Variants in DENND6A observed in about 807,000 individuals in gnomAD.
DENND6A encodes protein DENND6A.
A neutral mutation model predicts 95.5 loss-of-function variants in DENND6A; 43 were observed. That is an observed-to-expected ratio of 0.45 (90% confidence interval 0.35 to 0.58). The LOEUF is 0.58. Ranked by LOEUF, DENND6A falls within the 20% of genes least tolerant of loss-of-function variation. The probability of loss-of-function intolerance (pLI) is 0.00; values close to 1 mark genes in which losing one functional copy is unlikely to be tolerated. For missense variants in DENND6A, 574 were observed against 736.0 expected (o/e 0.78, Z 2.55); for synonymous variants, 257 against 260.4 (o/e 0.99, Z 0.13).
intron 12 of DENND6A, among the ~76,000 whole-genome samples, chr3:57,638,673 C>A (rs866704579): frequency 2.3e-4 from 35 of 151,610 alleles, no homozygotes; most frequent in East Asian, 3.9e-4. Flanking sequence ...AAATAAATAA[C>A]TAAATAAATA....
At chr3:57,644,081 C>T (rs1046918957) in intron 11 of DENND6A, among the ~76,000 whole-genome samples, 3 of 146,812 alleles carry the variant, frequency 2.0e-5, no homozygotes, top group Admixed American at 7.0e-5. Flanking sequence ...ACCCGGGAGG[C>T]GGAGGTTGCA....
chr3:57,684,183 C>T lies in DENND6A; in HGVS notation c.237+8599G>A, dbSNP rs533693386. The stretch of plus-strand genomic sequence containing the variant: ...AAAAAAAAAAAAAGAGTTTATGGGC[C>T]AGGCACGGTGGCCCATGCCTGTAAT... On this transcript the variant is annotated intron_variant, in intron 1 of 19. Coordinates refer to ENST00000311128, the MANE Select transcript of DENND6A (RefSeq NM_152678.3). 1.0e-4 allele frequency among the ~76,000 whole-genome samples: 15 copies of T among 144,068 alleles called. No homozygotes were observed. In the East Asian group the frequency reaches 2.9e-3, roughly 28 times the overall value. The allele number at this position is 144,068 out of a possible 152,430, so 94.5% of individuals were successfully genotyped here. A position where few individuals can be genotyped will look rare whatever the true frequency, so the allele number is the denominator to read the frequency against.
chr3:57,674,901 T>C (rs548358757), intron 1 of DENND6A, among the ~76,000 whole-genome samples: 2 of 152,262 alleles, frequency 1.3e-5, no homozygotes, highest in Admixed American at 6.5e-5. Flanking sequence ...TATTGTCTCT[T>C]ATAAGTGGGA....
intron 3 of DENND6A, among the ~76,000 whole-genome samples, chr3:57,670,618 G>C (rs1055751682): frequency 8.5e-5 from 13 of 152,180 alleles, no homozygotes; most frequent in African/African-American, 2.9e-4. Context: ...AGGCATATAG[G>C]GGGAGGGTAA....
chr3:57,642,467 T>A (rs1360492956), intron 11 of DENND6A, among the ~76,000 whole-genome samples: 1 of 150,332 alleles, frequency 6.7e-6, no homozygotes, highest in Non-Finnish European at 1.5e-5. Flanking sequence ...GAGGGAAGAG[T>A]GATGCAGAAC....
intron 9 of DENND6A, among the ~76,000 whole-genome samples, chr3:57,652,650 ATTAAC>A (rs1295400931): frequency 2.6e-5 from 4 of 152,240 alleles, no homozygotes; most frequent in Non-Finnish European, 5.9e-5. Flanking sequence ...AGAAAAAACA[ATTAAC>A]TTATCAGTGG....
chr3:57,664,206 T>G (rs1186597029), intron 4 of DENND6A, among the ~76,000 whole-genome samples: 1 of 152,154 alleles, frequency 6.6e-6, no homozygotes, highest in African/African-American at 2.4e-5. Context: ...TAAAACAAAA[T>G]GAGGTATCCT....
At chr3:57,659,298 A>T in intron 7 of DENND6A, 118 bp from the exon 8 acceptor site, 4 of 1,012,598 alleles carry the variant, frequency 4.0e-6, no homozygotes, top group Non-Finnish European at 6.1e-6. Context: ...AAACAAAATT[A>T]TCTATGTCAG....
In DENND6A at chr3:57,649,585, T is replaced by C. The variant is rs144167173; in HGVS notation, c.819-3147A>G. Among the ~76,000 whole-genome samples the C allele has an allele frequency of 2.8e-3, 424 of 150,470 alleles. 2 individuals are homozygous for C. Among genetic ancestry groups the C allele is most frequent in the African/African-American group, 9.8e-3 (401 of 40,968 alleles). On this transcript the variant is annotated intron_variant, in intron 9 of 19. Transcript: ENST00000311128. ...ATGTTTATAGCAGCACAATGCACAA[T>C]TGCAAAAATATGGAACAAGCCCAAA...
rs754553350 is a variant in DENND6A at position 57,634,634 on chromosome 3, G to A, written c.1199-12C>T. 24 of 1,486,892 alleles carry A rather than the reference G, an allele frequency of 1.6e-5. 1 individual carries two copies. In the African/African-American group the frequency reaches 2.7e-4, roughly 17 times the overall value. 92.1% of individuals were successfully genotyped at this position (1,486,892 alleles called of 1,614,324 possible). On this transcript the variant is annotated splice_polypyrimidine_tract_variant and intron_variant, in intron 13 of 19. Transcript: ENST00000311128. The stretch of plus-strand genomic sequence containing the variant: ...TGAAGTATAAACTCCTAAGAGCAAA[G>A]AAAAGAAGGTAAACAAAAAAACCCA...
chr3:57,646,277 CA>C (rs140841663), intron 10 of DENND6A, 38 bp downstream of exon 10: 2,190 of 1,332,760 alleles, frequency 1.6e-3, no homozygotes, highest in Admixed American at 4.8e-3. Context: ...CTGCAGCATC[CA>C]AAAAAAAAAC....
At chr3:57,690,983 A>G (rs982433764) in intron 1 of DENND6A, among the ~76,000 whole-genome samples, 39 of 152,226 alleles carry the variant, frequency 2.6e-4, no homozygotes, top group Admixed American at 2.0e-3. Context: ...AAAAAACTCT[A>G]TACAGTGGCA....
chr3:57,628,995 A>G (rs2070597378), intron 18 of DENND6A, 110 bp from the exon 19 acceptor site: 1 of 883,274 alleles, frequency 1.1e-6, no homozygotes, highest in South Asian at 1.8e-5. Flanking sequence ...AAAGGAGAAC[A>G]AAGTATTTAA....
chr3:57,689,239 C>T (rs772397275), intron 1 of DENND6A, among the ~76,000 whole-genome samples: 3 of 151,804 alleles, frequency 2.0e-5, no homozygotes, highest in Non-Finnish European at 2.9e-5. Context: ...AGGCATGAGC[C>T]GCCATGCCCG....
At chr3:57,663,830 A>C in intron 4 of DENND6A, 114 bp from the exon 5 acceptor site, 1 of 515,518 alleles carries the variant, frequency 1.9e-6, no homozygotes, top group Non-Finnish European at 3.3e-6. Context: ...ATAAACCCAA[A>C]TCAAGACATG....
chr3:57,654,450 G>A (rs550824096), intron 9 of DENND6A, among the ~76,000 whole-genome samples: 3 of 152,220 alleles, frequency 2.0e-5, no homozygotes, highest in East Asian at 1.9e-4. Flanking sequence ...CAGCCAATGC[G>A]GTAGAAAGCC....
chr3:57,662,524 A>T (rs996060554), intron 5 of DENND6A, among the ~76,000 whole-genome samples: 1 of 152,066 alleles, frequency 6.6e-6, no homozygotes, highest in Non-Finnish European at 1.5e-5. Context: ...AAGAAACAAA[A>T]AGAATTGTAC....
intron 1 of DENND6A, among the ~76,000 whole-genome samples, chr3:57,680,988 G>A (rs1276554171): frequency 1.3e-5 from 2 of 152,134 alleles, no homozygotes; most frequent in African/African-American, 4.8e-5. Flanking sequence ...AGTTTCTCAA[G>A]AAGTTACAAC....
At position 57,628,151 on chromosome 3, in the gene DENND6A, G is replaced by A; in HGVS notation, c.*63C>T. ...ACTGAGAGATCTCCTTTGTGCGTCT[G>A]GTTGAAATGTCAGTATGCTTCATGA... On this transcript the variant is annotated 3_prime_UTR_variant, in exon 20 of 20. Coordinates refer to ENST00000311128, the MANE Select transcript of DENND6A (RefSeq NM_152678.3). 6.4e-7 allele frequency: 1 copy of A among 1,566,480 alleles called. No homozygotes were observed. The highest frequency in any genetic ancestry group is 8.7e-7 in the Non-Finnish European group (1 of 1,155,618).
Sources: allele counts gnomAD v4.1 joint callset (sites outside exome capture counted in the v4.1 genomes callset), GRCh38; gene constraint gnomAD v4.1.1; transcripts MANE v1.5; gene names NCBI Gene and HGNC (gene_info 2026-07-23, HGNC 2026-07-21).